The following USP12 variants were observed in gnomAD, a reference collection of about 807,000 sequenced individuals.
USP12 encodes the protein ubiquitin carboxyl-terminal hydrolase 12.
A neutral mutation model predicts 45.5 loss-of-function variants in USP12; 19 were observed. That is an observed-to-expected ratio of 0.42 (90% CI 0.29 to 0.61). USP12 has a LOEUF of 0.61. Among genes scored for constraint, USP12 ranks in the 20% least tolerant of loss-of-function variants. The pLI, the probability that USP12 is intolerant of heterozygous loss-of-function variation, is 0.22. For missense variants in USP12, 242 were observed against 447.7 expected (o/e 0.54, Z 4.15); for synonymous variants, 149 against 148.8 (o/e 1.00, Z -0.01).
intron 1 of USP12, among the ~76,000 whole-genome samples, chr13:27,125,388 G>A (rs1240366950): frequency 6.6e-6 from 1 of 152,158 alleles, no homozygotes; most frequent in Non-Finnish European, 1.5e-5. Flanking sequence ...TCAAAACTAT[G>A]TCACAACACA....
intron 1 of USP12, among the ~76,000 whole-genome samples, chr13:27,154,132 G>A (rs1047328820): frequency 2.0e-5 from 3 of 152,114 alleles, no homozygotes; most frequent in Non-Finnish European, 2.9e-5. Context: ...TCTTCCTTAG[G>A]AAGCACACAG....
intron 4 of USP12, among the ~76,000 whole-genome samples, chr13:27,094,950 CCAGCCTGAG>C (rs1225956050): frequency 6.8e-6 from 1 of 147,958 alleles, no homozygotes; most frequent in Non-Finnish European, 1.5e-5. Context: ...GAGTTCAAGA[CCAGCCTGAG>C]CAACACAGTA....
At chr13:27,093,395 A>C (rs1400277197) in intron 4 of USP12, among the ~76,000 whole-genome samples, 1 of 152,156 alleles carries the variant, frequency 6.6e-6, no homozygotes, top group Non-Finnish European at 1.5e-5. Flanking sequence ...ACACATCACT[A>C]AAGAGATATA....
intron 1 of USP12, among the ~76,000 whole-genome samples, chr13:27,135,270 A>G (rs1876750232): frequency 6.6e-6 from 1 of 152,256 alleles, no homozygotes; most frequent in South Asian, 2.1e-4. Context: ...AGCCTGTCTC[A>G]GATAAATAAA....
At chr13:27,095,370 A>T (rs1356381167) in intron 4 of USP12, among the ~76,000 whole-genome samples, 4 of 152,198 alleles carry the variant, frequency 2.6e-5, no homozygotes, top group Non-Finnish European at 5.9e-5. Flanking sequence ...AAGAAAATCA[A>T]ACAGTTCAAG....
intron 1 of USP12, among the ~76,000 whole-genome samples, chr13:27,165,149 C>T (rs1372974153): frequency 6.6e-6 from 1 of 151,412 alleles, no homozygotes; most frequent in Non-Finnish European, 1.5e-5. Context: ...TTGCCATTCT[C>T]AACTTATCTA....
At chr13:27,142,646 A>G (rs1877116894) in intron 1 of USP12, among the ~76,000 whole-genome samples, 1 of 152,222 alleles carries the variant, frequency 6.6e-6, no homozygotes, top group Non-Finnish European at 1.5e-5. Flanking sequence ...TTTTCTGTAA[A>G]TTCAAGATTT....
intron 1 of USP12, among the ~76,000 whole-genome samples, chr13:27,155,080 T>C (rs1326128898): frequency 8.0e-6 from 1 of 125,496 alleles, no homozygotes; most frequent in African/African-American, 3.1e-5. Flanking sequence ...TTTTTTTTTT[T>C]TTTTTTTTTT....
intron 1 of USP12, among the ~76,000 whole-genome samples, chr13:27,124,442 A>T (rs1876134247): frequency 6.6e-6 from 1 of 152,272 alleles, no homozygotes; most frequent in South Asian, 2.1e-4. Flanking sequence ...TGCATCTATC[A>T]TTTGGAAAAT....
At chr13:27,142,799 AAAG>A (rs569360911) in intron 1 of USP12, among the ~76,000 whole-genome samples, 132 of 152,342 alleles carry the variant, frequency 8.7e-4, no homozygotes, top group African/African-American at 3.0e-3. Context: ...GTGACACAAA[AAAG>A]AAGTGGAAGA....
intron 1 of USP12, among the ~76,000 whole-genome samples, chr13:27,160,943 C>A (rs560959122): frequency 6.6e-6 from 1 of 152,158 alleles, no homozygotes; most frequent in East Asian, 1.9e-4. Context: ...TGATGCTCTC[C>A]CTCCCGCCAT....
At chr13:27,087,836 T>C (rs558014310) in intron 6 of USP12, among the ~76,000 whole-genome samples, 3 of 152,302 alleles carry the variant, frequency 2.0e-5, no homozygotes, top group South Asian at 4.1e-4. Context: ...AATGTGAGCA[T>C]GGAAGTAAGA....
intron 1 of USP12, among the ~76,000 whole-genome samples, chr13:27,118,794 C>T (rs1344314394): frequency 6.6e-6 from 1 of 152,188 alleles, no homozygotes; most frequent in Non-Finnish European, 1.5e-5. Flanking sequence ...TTAAGACACA[C>T]TAAGAACAAG....
intron 3 of USP12, among the ~76,000 whole-genome samples, chr13:27,096,134 T>A (rs1874569415): frequency 7.2e-6 from 1 of 138,644 alleles, no homozygotes; most frequent in Non-Finnish European, 1.7e-5. Flanking sequence ...TTAGCTTACC[T>A]GACTTATTAT....
intron 6 of USP12, among the ~76,000 whole-genome samples, chr13:27,087,673 G>A (rs536301512): frequency 2.6e-5 from 4 of 152,308 alleles, no homozygotes; most frequent in Admixed American, 1.3e-4. Flanking sequence ...AGGGCTCCTT[G>A]GAGAAATGGC....
intron 1 of USP12, among the ~76,000 whole-genome samples, chr13:27,123,623 T>A (rs975422650): frequency 6.6e-6 from 1 of 152,164 alleles, no homozygotes; most frequent in South Asian, 2.1e-4. Flanking sequence ...GCTCTTCTTG[T>A]GATAGTGAAT....
chr13:27,068,178 T>A lies in USP12; in HGVS notation c.*1105A>T, dbSNP rs973741840. The A allele has an allele frequency of 2.0e-5, 3 of 152,556 alleles. No homozygotes were observed. The highest frequency in any genetic ancestry group is 7.2e-5 in the African/African-American group (3 of 41,444). 9.5% of individuals were successfully genotyped at this position (152,556 alleles called of 1,614,324 possible). A position where few individuals can be genotyped will look rare whatever the true frequency, so the allele number is the denominator to read the frequency against. The stretch of plus-strand genomic sequence containing the variant: ...TGGCATCTGAAAATAACATAAATGC[T>A]ATGACATGATTTTCCCAAGCATGAT... On this transcript the variant is annotated 3_prime_UTR_variant, in exon 9 of 9. Transcript: ENST00000282344.
At chr13:27,154,479 G>T (rs567244325) in intron 1 of USP12, among the ~76,000 whole-genome samples, 2 of 152,012 alleles carry the variant, frequency 1.3e-5, no homozygotes, top group South Asian at 4.2e-4. Context: ...TTCTCCTTCC[G>T]TTACTTCCAA....
intron 1 of USP12, among the ~76,000 whole-genome samples, chr13:27,160,028 G>C (rs187166119): frequency 2.0e-5 from 3 of 152,286 alleles, no homozygotes; most frequent in Admixed American, 2.0e-4. Context: ...CTTGGCAGGA[G>C]GAGTAACCTG....
Sources: gnomAD v4.1 joint callset for allele counts (sites outside exome capture counted in the v4.1 genomes callset) on GRCh38, gnomAD v4.1.1 for gene constraint, MANE v1.5 for transcripts, NCBI Gene and HGNC (gene_info 2026-07-23, HGNC 2026-07-21) for gene names.